Variants in MED23 observed in about 807,000 individuals in gnomAD.
The protein encoded by MED23 is mediator of RNA polymerase II transcription subunit 23.
MED23 carries 105 observed loss-of-function variants against 163.9 expected under a neutral mutation model. The ratio of observed to expected loss-of-function variants is 0.64; its 90% CI spans 0.55 to 0.75. The LOEUF (loss-of-function observed/expected upper bound fraction) is 0.75, where lower values mean the gene tolerates loss of function less well. MED23 is among the 30% of genes least tolerant of loss of function. The pLI, the probability that MED23 is intolerant of heterozygous loss-of-function variation, is 0.00. For missense variants in MED23, 1,054 were observed against 1,649.0 expected (o/e 0.64, Z 6.25); for synonymous variants, 561 against 565.6 (o/e 0.99, Z 0.12).
chr6:131,594,734 C>T (rs1399509487), intron 22 of MED23, among the ~76,000 whole-genome samples: 4 of 152,070 alleles, frequency 2.6e-5, no homozygotes, highest in Non-Finnish European at 4.4e-5. Flanking sequence ...CAGCTCTTTA[C>T]GTACTAATAC....
chr6:131,579,803 T>C (rs1462696278), intron 30 of MED23: 1 of 162,108 alleles, frequency 6.2e-6, no homozygotes, highest in Non-Finnish European at 1.3e-5. Flanking sequence ...ATCTTTTTTT[T>C]CCTTGTACAT....
chr6:131,612,868 T>C (rs1776381189), intron 10 of MED23, among the ~76,000 whole-genome samples: 1 of 152,148 alleles, frequency 6.6e-6, no homozygotes, highest in Non-Finnish European at 1.5e-5. Flanking sequence ...GCATCTCATA[T>C]CCTATATTGA....
rs926786554 is a variant in MED23, at chr6:131,593,245, G to T, written c.3233-74C>A. The T allele has an allele frequency of 3.8e-6, 6 of 1,568,592 alleles. No individual in the cohort carries two copies. The African/African-American group carries it at 8.1e-5, about 21-fold the overall frequency. On this transcript the variant is annotated intron_variant, in intron 23 of 28. Transcript: ENST00000368068. The stretch of plus-strand genomic sequence containing the variant: ...AATTTATCTGATTATGAGCTGCCAA[G>T]AAGTGATTTGTCTACGCTTAGAGAG...
In MED23 at chr6:131,627,402, A is replaced by C. The variant is rs1490018411; in HGVS notation, c.153T>G (p.Leu51=). The part of the protein sequence containing the change: ...LGAFRQFWGG[L]SQESHEQCIQ... The stretch of plus-strand genomic sequence containing the variant: ...TTAAAAATGAAGCGCTCACCTGAGA[A>C]AGACCACCCCAAAACTGTCTGAAGG... Residue 51 remains leucine, a synonymous_variant, in exon 3 of 29, where the codon CTT becomes CTG. Transcript: ENST00000368068. 1 of 1,613,492 alleles carries C rather than the reference A, an allele frequency of 6.2e-7. No individual in the cohort carries two copies. The highest frequency in any genetic ancestry group is 1.1e-5 in the South Asian group (1 of 91,032).
chr6:131,581,114 A>C, intron 30 of MED23: 1 of 1,104,078 alleles, frequency 9.1e-7, no homozygotes, highest in Non-Finnish European at 1.4e-6. Context: ...GAAATATCAG[A>C]CACTGTGACT....
rs1461671381 is a variant in MED23 at position 131,589,508 on chromosome 6, T to C, written c.3896A>G (p.Tyr1299Cys). Residue 1299 changes from tyrosine (Y) to cysteine (C), a missense_variant, in exon 28 of 29, where the codon TAT (tyrosine) becomes TGT (cysteine). By Grantham distance (194) the Tyr-to-Cys change is radical. This residue lies in a region of MED23 where 362 missense variants were observed against 471.6 expected (regional missense o/e 0.77). Transcript: ENST00000368068. ...NYMDPICDFLYHMKYMFTGDS... is the reference protein window; with the variant it reads ...NYMDPICDFLCHMKYMFTGDS... ...ACCAGTAAACATATACTTCATGTGATAGAGGAAGTCACAGATGGGATCCAT... is the reference window on the plus strand; with the variant it reads ...ACCAGTAAACATATACTTCATGTGACAGAGGAAGTCACAGATGGGATCCAT... 14 of 1,613,212 alleles carry C rather than the reference T, an allele frequency of 8.7e-6. No individual in the cohort carries two copies. The highest frequency in any genetic ancestry group is 2.2e-5 in the South Asian group (2 of 91,062).
intron 30 of MED23, among the ~76,000 whole-genome samples, chr6:131,578,701 C>T (rs1222556608): frequency 4.0e-5 from 6 of 151,542 alleles, no homozygotes; most frequent in African/African-American, 9.7e-5. Context: ...ATATATATAC[C>T]GATATATATG....
intron 10 of MED23, among the ~76,000 whole-genome samples, chr6:131,614,009 T>C (rs1016921400): frequency 2.0e-5 from 3 of 152,286 alleles, no homozygotes; most frequent in Non-Finnish European, 4.4e-5. Context: ...TAAGGTTCAC[T>C]GTAAAAATTA....
At chr6:131,599,059 A>C (rs549849715) in intron 18 of MED23, among the ~76,000 whole-genome samples, 24 of 152,348 alleles carry the variant, frequency 1.6e-4, no homozygotes, top group African/African-American at 5.8e-4. Context: ...AAAAGAATGA[A>C]GTGTCTCTAC....
intron 30 of MED23, among the ~76,000 whole-genome samples, chr6:131,578,573 CTTAT>C (rs1457320982): frequency 1.3e-5 from 2 of 152,084 alleles, no homozygotes; most frequent in Non-Finnish European, 2.9e-5. Flanking sequence ...TTCACATATT[CTTAT>C]TTATTTATGA....
rs1413692405 is a variant in MED23, at chr6:131,628,201, C to T, written c.-152G>A. ...CCCCCAGCGCTTTACCTGGAGCGTT[C>T]CCTCCCGAGCCCAGCCAACAGCAGG... On this transcript the variant is annotated 5_prime_UTR_variant, in exon 1 of 29. Coordinates refer to ENST00000368068, the MANE Select transcript of MED23 (RefSeq NM_004830.4). The T allele has an allele frequency of 6.0e-6, 5 of 834,762 alleles. No individual in the cohort carries two copies. Among genetic ancestry groups the T allele is most frequent in the Admixed American group, 2.0e-5 (1 of 50,402 alleles). The allele number at this position is 834,762 out of a possible 1,614,324, so 51.7% of individuals were successfully genotyped here.
intron 13 of MED23, among the ~76,000 whole-genome samples, chr6:131,606,108 G>T (rs1775835730): frequency 6.6e-6 from 1 of 152,178 alleles, no homozygotes; most frequent in South Asian, 2.1e-4. Flanking sequence ...GCCCAGAGAT[G>T]AATGATATCT....
intron 11 of MED23, among the ~76,000 whole-genome samples, chr6:131,608,626 G>A (rs573725012): frequency 8.5e-4 from 130 of 152,100 alleles, no homozygotes; most frequent in African/African-American, 3.0e-3. Flanking sequence ...GGCTGGTCTC[G>A]AACTCCTGAA....
At chr6:131,581,269 G>C in intron 30 of MED23, 1 of 1,613,900 alleles carries the variant, frequency 6.2e-7, no homozygotes, top group South Asian at 1.1e-5. Flanking sequence ...CCTGATCTTG[G>C]AGTCATCTGG....
chr6:131,595,389 T>A (rs568684161), intron 22 of MED23, among the ~76,000 whole-genome samples: 1 of 152,338 alleles, frequency 6.6e-6, no homozygotes, highest in South Asian at 2.1e-4. Flanking sequence ...CAACTATAAC[T>A]GGATGTATCT....
chr6:131,621,914 A>G lies in MED23; in HGVS notation c.462T>C (p.Ser154=). ...KILTIPNTVS[S]AVVQQLLAAR... ...CTGCCAGAAGCTGCTGTACAACAGC[A>G]GAGCTCACTGTATTAGGAATTGTCA... The change falls in exon 6 of 29, where the codon TCT becomes TCC. Residue 154 remains serine, a synonymous_variant. Transcript: ENST00000368068. The G allele has an allele frequency of 6.2e-7, 1 of 1,613,608 alleles. No homozygotes were observed. The highest frequency in any genetic ancestry group is 8.5e-7 in the Non-Finnish European group (1 of 1,179,658).
At chr6:131,582,965 T>G (rs1774011346), downstream of MED23, 1 of 918,974 alleles carries the variant, frequency 1.1e-6, no homozygotes, top group East Asian at 2.7e-5. Context: ...CCTAAATGTT[T>G]TATATATTTT....
At chr6:131,580,763 G>A (rs1325739658) in intron 30 of MED23, among the ~76,000 whole-genome samples, 1 of 150,804 alleles carries the variant, frequency 6.6e-6, no homozygotes, top group Admixed American at 6.6e-5. Context: ...TATAAAAGCT[G>A]GATTTTAAGA....
At chr6:131,605,578 T>C (rs764579995) in intron 13 of MED23, 93 bp from the exon 14 acceptor site, 45 of 1,137,246 alleles carry the variant, frequency 4.0e-5, no homozygotes, top group Admixed American at 8.5e-5. Flanking sequence ...TATGCAATTA[T>C]TTATTAATGC....
Sources: allele counts gnomAD v4.1 joint callset (sites outside exome capture counted in the v4.1 genomes callset), GRCh38; gene constraint gnomAD v4.1.1; regional missense constraint gnomAD v4.1.1; transcripts MANE v1.5; gene names NCBI Gene and HGNC (gene_info 2026-07-23, HGNC 2026-07-21).